Variants in ITPRID2 observed in about 807,000 individuals in gnomAD.
ITPRID2 encodes the protein ITPR interacting domain containing 2.
A neutral mutation model predicts 124.3 loss-of-function variants in ITPRID2; 60 were observed. That is an observed-to-expected ratio of 0.48 (90% confidence interval 0.39 to 0.60). The LOEUF is 0.60. Ranked by LOEUF, ITPRID2 falls within the 20% of genes least tolerant of loss-of-function variation. The probability of loss-of-function intolerance (pLI) is 0.00; values close to 1 mark genes in which losing one functional copy is unlikely to be tolerated. For missense variants in ITPRID2, 1,553 were observed against 1,512.2 expected, an observed-to-expected ratio of 1.03 and a Z score of -0.45; for synonymous variants, 521 against 542.9, an observed-to-expected ratio of 0.96 and a Z score of 0.56.
At position 181,920,516 on chromosome 2, in the gene ITPRID2, T is replaced by C. The variant is rs1694400532; in HGVS notation, c.3145-81T>C. 3 of 1,022,918 alleles carry C rather than the reference T, an allele frequency of 2.9e-6. No individual in the cohort carries two copies. The South Asian group carries it at 5.4e-5, about 18-fold the overall frequency. The allele number at this position is 1,022,918 out of a possible 1,614,324, so 63.4% of individuals were successfully genotyped here. On this transcript the variant is annotated intron_variant, in intron 14 of 17. Coordinates refer to ENST00000431877, the MANE Select transcript of ITPRID2 (RefSeq NM_001130445.3). ...AAAAGTCTTGTGATTTGAAAAAATA[T>C]ATATGTACATTATAATTATATATGC...
Position 181,929,628 on chromosome 2 carries a change from T to C in ITPRID2, c.*81T>C, listed in dbSNP as rs186762766. 3.1e-6 allele frequency: 5 copies of C among 1,612,972 alleles called. No homozygotes were observed. Among genetic ancestry groups the C allele is most frequent in the East Asian group, 2.2e-5 (1 of 44,706 alleles). On this transcript the variant is annotated 3_prime_UTR_variant, in exon 18 of 18. Coordinates refer to ENST00000431877, the MANE Select transcript of ITPRID2 (RefSeq NM_001130445.3). ...ATGATATGCACTGGTGGAGGTGTTA[T>C]TTGTGCTTTAGAAGATACTTGCTGT...
chr2:181,895,943 C>A, intron 2 of ITPRID2, 87 bp from the exon 3 acceptor site: 1 of 1,073,920 alleles, frequency 9.3e-7, no homozygotes, highest in Non-Finnish European at 1.4e-6. Context: ...GCTTATTGAG[C>A]TGTAACTCTT....
At position 181,892,126 on chromosome 2, in the gene ITPRID2, G is replaced by A; in HGVS notation, c.60G>A (p.Ala20=). Residue 20 remains alanine (A), a synonymous_variant, in exon 1 of 18, where the codon GCG becomes GCA. Coordinates refer to ENST00000431877, the MANE Select transcript of ITPRID2 (RefSeq NM_001130445.3). The surrounding 1 kb of genome is among the most constrained non-coding windows in gnomAD (Gnocchi z 5.2). ...EAEEELEWQV[A]SRRRKAWAKC... ...AGGAGGAACTGGAGTGGCAAGTGGC[G>A]AGTCGCAGGAGGAAGGCCTGGGCCA... 6.4e-7 allele frequency: 1 copy of A among 1,558,480 alleles called. No homozygotes were observed. The highest frequency in any genetic ancestry group is 8.7e-7 in the Non-Finnish European group (1 of 1,151,818).
chr2:181,918,233 C>A, intron 11 of ITPRID2: 2 of 900,650 alleles, frequency 2.2e-6, no homozygotes, highest in Non-Finnish European at 2.7e-6. Flanking sequence ...TGATTGCTTG[C>A]TCTCCAGCAA....
chr2:181,895,718 T>TA (rs1692145068), intron 2 of ITPRID2, among the ~76,000 whole-genome samples: 1 of 152,084 alleles, frequency 6.6e-6, no homozygotes. Context: ...TAATGCTTAT[T>TA]GTCAGTCATT....
rs555152295 is a variant in ITPRID2, at chr2:181,908,899, A to T, written c.1414-1000A>T. ...TGAAAACCCATATGTTCAGCTAGGTACCACACTTTACTAGGATGTTCTTTA... is the reference window on the plus strand; with the variant it reads ...TGAAAACCCATATGTTCAGCTAGGTTCCACACTTTACTAGGATGTTCTTTA... On this transcript the variant is annotated intron_variant, in intron 8 of 17. Transcript: ENST00000431877. Among the ~76,000 whole-genome samples the T allele has an allele frequency of 2.0e-4, 31 of 152,036 alleles. No individual in the cohort carries two copies. In the East Asian group the frequency reaches 5.8e-3, roughly 29 times the overall value.
rs750129010 is a variant in ITPRID2 at position 181,922,245 on chromosome 2, C to G, written c.3508C>G (p.Pro1170Ala). The change falls in exon 16 of 18, where the codon CCA (proline) becomes GCA (alanine). Residue 1170 changes from proline (P) to alanine (A), a missense_variant. Physicochemically the swap from Pro to Ala is conservative, Grantham distance 27. Transcript: ENST00000431877. ...TAGAACAGGCTCTGTGCAGACACCT[C>G]CAGATTTGGAAAGTTCTGAGGAAGT... ...PSRTGSVQTP[P>A]DLESSEEVDA... 3 of 1,614,206 alleles carry G rather than the reference C, an allele frequency of 1.9e-6. No homozygotes were observed. Among genetic ancestry groups the G allele is most frequent in the Non-Finnish European group, 8.5e-7 (1 of 1,180,040 alleles).
At chr2:181,897,166 A>G (rs1433421494) in intron 4 of ITPRID2, among the ~76,000 whole-genome samples, 1 of 152,012 alleles carries the variant, frequency 6.6e-6, no homozygotes, top group African/African-American at 2.4e-5. Context: ...CTGAAAAACT[A>G]TGTGAAGTGT....
Position 181,902,089 on chromosome 2 carries a change from A to T in ITPRID2, c.1036A>T (p.Ile346Phe), listed in dbSNP as rs542092662. Residue 346 changes from isoleucine (I) to phenylalanine (F), a missense_variant, in exon 8 of 18, where the codon ATT becomes TTT. By Grantham distance (21) the Ile-to-Phe change is conservative (BLOSUM62 0). Coordinates refer to ENST00000431877, the MANE Select transcript of ITPRID2 (RefSeq NM_001130445.3). This position sits in a 1 kb window ranked among gnomAD's most constrained non-coding sequence, Gnocchi z 4.4. Reference sequence around the variant, plus strand: ...TAAAAACGATCAAAAGTCTCAAAAAATTATGAAGAAGAAAGAGTCATCTTC... The same window carrying T: ...TAAAAACGATCAAAAGTCTCAAAAATTTATGAAGAAGAAAGAGTCATCTTC... The part of the protein sequence containing the change: ...GNKNDQKSQK[I>F]MKKKESSSML... The T allele has an allele frequency of 3.7e-5, 60 of 1,610,712 alleles. No homozygotes were observed. The South Asian group carries it at 6.5e-4, about 18-fold the overall frequency.
intron 16 of ITPRID2, among the ~76,000 whole-genome samples, chr2:181,924,898 A>C (rs922627921): frequency 6.6e-6 from 1 of 152,262 alleles, no homozygotes; most frequent in Non-Finnish European, 1.5e-5. Flanking sequence ...GTATGTGATC[A>C]GTGGCCTGAA....
chr2:181,895,064 A>G (rs1162911131), intron 2 of ITPRID2, among the ~76,000 whole-genome samples: 1 of 152,136 alleles, frequency 6.6e-6, no homozygotes, highest in Non-Finnish European at 1.5e-5. Flanking sequence ...TTTCAAAAGC[A>G]CTAAGTTTTA....
intron 2 of ITPRID2, among the ~76,000 whole-genome samples, chr2:181,895,265 C>G (rs1487649646): frequency 6.6e-6 from 1 of 151,892 alleles, no homozygotes; most frequent in African/African-American, 2.4e-5. Context: ...GTGTTTCTTA[C>G]TATAACTTGG....
At position 181,892,545 on chromosome 2, in the gene ITPRID2, G is replaced by A. The variant is rs1295502958; in HGVS notation, c.212-70G>A. ...CCGTGGTAGATTTTCCTACTTGGGA[G>A]GGTCCAGGGTGACTCCGCCGTCGTA... On this transcript the variant is annotated intron_variant, in intron 1 of 17. Transcript: ENST00000431877. This position sits in a 1 kb window ranked among gnomAD's most constrained non-coding sequence, Gnocchi z 5.2. 2 of 1,583,268 alleles carry A rather than the reference G, an allele frequency of 1.3e-6. No homozygotes were observed. Among genetic ancestry groups the A allele is most frequent in the Non-Finnish European group, 1.7e-6 (2 of 1,152,384 alleles).
chr2:181,896,185 T>TA lies in ITPRID2; in HGVS notation c.307+107dup. ...CTTATAAAAGTGATATTCATGTTTATAGTATATGCTATTCTGAGCTAGAAG... is the reference window on the plus strand; with the variant it reads ...CTTATAAAAGTGATATTCATGTTTATAAGTATATGCTATTCTGAGCTAGAAG... On this transcript the variant is annotated intron_variant, in intron 3 of 17. Transcript: ENST00000431877. This position sits in a 1 kb window ranked among gnomAD's most constrained non-coding sequence, Gnocchi z 4.3. The TA allele has an allele frequency of 1.0e-6, 1 of 1,004,938 alleles. No homozygotes were observed. Among genetic ancestry groups the TA allele is most frequent in the Non-Finnish European group, 1.5e-6 (1 of 656,326 alleles). The allele number at this position is 1,004,938 out of a possible 1,614,324, so 62.3% of individuals were successfully genotyped here. A position where few individuals can be genotyped will look rare whatever the true frequency, so the allele number is the denominator to read the frequency against.
chr2:181,899,897 A>G (rs1231969379), intron 6 of ITPRID2, among the ~76,000 whole-genome samples: 1 of 152,246 alleles, frequency 6.6e-6, no homozygotes, highest in Non-Finnish European at 1.5e-5. Flanking sequence ...ATTAAAATAC[A>G]TCAGTGCATG....
chr2:181,914,818 A>C (rs1435804691), intron 10 of ITPRID2, among the ~76,000 whole-genome samples: 1 of 152,204 alleles, frequency 6.6e-6, no homozygotes, highest in Non-Finnish European at 1.5e-5. Flanking sequence ...TCAGGAACCC[A>C]GGTTGGAGGG....
At position 181,915,966 on chromosome 2, in the gene ITPRID2, A is replaced by T. The variant is rs982950532; in HGVS notation, c.2326A>T (p.Thr776Ser). 2 of 1,614,212 alleles carry T rather than the reference A, an allele frequency of 1.2e-6. No homozygotes were observed. Among genetic ancestry groups the T allele is most frequent in the Middle Eastern group, 1.6e-4 (1 of 6,062 alleles). ...CCCACCTTCCTTCACCTATAAGTACACACCTGAAGAGGAGCAGGAATTGGA... is the reference window on the plus strand; with the variant it reads ...CCCACCTTCCTTCACCTATAAGTACTCACCTGAAGAGGAGCAGGAATTGGA... Reference protein sequence around the residue: ...CSPPSFTYKYTPEEEQELEKR... With the variant: ...CSPPSFTYKYSPEEEQELEKR... The change falls in exon 11 of 18, where the codon ACA becomes TCA. Residue 776 changes from threonine to serine, a missense_variant. Transcript: ENST00000431877.
rs1285948990 is a variant in ITPRID2, at chr2:181,915,109, C to T, written c.1576-107C>T. 7 of 1,318,750 alleles carry T rather than the reference C, an allele frequency of 5.3e-6. No homozygotes were observed. The South Asian group carries it at 5.8e-5, about 11-fold the overall frequency. The allele number at this position is 1,318,750 out of a possible 1,614,324, so 81.7% of individuals were successfully genotyped here. A position where few individuals can be genotyped will look rare whatever the true frequency, so the allele number is the denominator to read the frequency against. On this transcript the variant is annotated intron_variant, in intron 10 of 17. Coordinates refer to ENST00000431877, the MANE Select transcript of ITPRID2 (RefSeq NM_001130445.3). ...ATTTTGAGCAACAGCAGGGCCACAA[C>T]TGCAGTGGAGACAGTGAAATTATAG...
chr2:181,900,326 G>C (rs1159073333), intron 6 of ITPRID2, among the ~76,000 whole-genome samples: 1 of 152,074 alleles, frequency 6.6e-6, no homozygotes, highest in Non-Finnish European at 1.5e-5. Flanking sequence ...TTTAATTTCT[G>C]CTTTAATCTG....
Sources: gnomAD v4.1 joint callset for allele counts (sites outside exome capture counted in the v4.1 genomes callset) on GRCh38, gnomAD v4.1.1 for gene constraint, Gnocchi (gnomAD v3.1) non-coding constraint, MANE v1.5 for transcripts, NCBI Gene and HGNC (gene_info 2026-07-23, HGNC 2026-07-21) for gene names.